The following AP4E1 variants were observed in gnomAD, a reference collection of about 807,000 sequenced individuals.
AP4E1 encodes the protein AP-4 complex subunit epsilon-1.
A neutral mutation model predicts 128.2 loss-of-function variants in AP4E1; 56 were observed. The observed-to-expected ratio is 0.44, with a 90% CI of 0.35 to 0.55. The LOEUF (loss-of-function observed/expected upper bound fraction) is 0.55, where lower values mean the gene tolerates loss of function less well. Among genes scored for constraint, AP4E1 ranks in the 20% least tolerant of loss-of-function variants. The pLI is 0.00. For synonymous variants in AP4E1, 484 were observed against 473.1 expected, an observed-to-expected ratio of 1.02 and a Z score of -0.30; for missense variants, 1,324 against 1,307.7, an observed-to-expected ratio of 1.01 and a Z score of -0.19.
intron 15 of AP4E1, among the ~76,000 whole-genome samples, chr15:50,972,098 T>G (rs1165017708): frequency 6.6e-6 from 1 of 152,228 alleles, no homozygotes; most frequent in African/African-American, 2.4e-5. Context: ...TAGTGCAGTT[T>G]AAAGGGAAAG....
At chr15:50,926,016 C>T (rs1359419775) in intron 5 of AP4E1, among the ~76,000 whole-genome samples, 1 of 151,994 alleles carries the variant, frequency 6.6e-6, no homozygotes, top group Non-Finnish European at 1.5e-5. Flanking sequence ...TAGTATTTTG[C>T]TAATCTTCTC....
At chr15:50,958,905 A>C in intron 14 of AP4E1, 111 bp downstream of exon 14, 1 of 1,182,400 alleles carries the variant, frequency 8.5e-7, no homozygotes, top group Non-Finnish European at 1.3e-6. Flanking sequence ...TGTAGCATTT[A>C]AGGTGAATGT....
rs552445745 is a variant in AP4E1, at chr15:50,943,076, G to A, written c.1176+1301G>A. The stretch of plus-strand genomic sequence containing the variant: ...TCCCTGCCTGCTTGTGGAGTCCCCA[G>A]TGTCTATTGTTTCATCATTACATCC... On this transcript the variant is annotated intron_variant, in intron 10 of 20. Transcript: ENST00000261842. Among the ~76,000 whole-genome samples, 60 of 152,044 alleles carry A rather than the reference G, an allele frequency of 3.9e-4. No homozygotes were observed. The Middle Eastern group carries it at 0.017, about 43-fold the overall frequency.
chr15:50,998,243 T>G lies in AP4E1; in HGVS notation c.2904+360T>G, dbSNP rs998579691. Reference sequence around the variant, plus strand: ...CTAGTATATTTATCTTCCACAAAACTGGCCCAGTTTCTTCTATGAGCTAGA... The same window carrying G: ...CTAGTATATTTATCTTCCACAAAACGGGCCCAGTTTCTTCTATGAGCTAGA... On this transcript the variant is annotated intron_variant, in intron 18 of 20. Transcript: ENST00000261842. 2.6e-5 allele frequency among the ~76,000 whole-genome samples: 4 copies of G among 152,114 alleles called. No homozygotes were observed. In the East Asian group the frequency reaches 7.7e-4, roughly 29 times the overall value.
intron 16 of AP4E1, among the ~76,000 whole-genome samples, chr15:50,992,334 A>AC (rs1469846878): frequency 6.6e-6 from 1 of 152,196 alleles, no homozygotes; most frequent in African/African-American, 2.4e-5. Context: ...TTTTGACAAC[A>AC]CAAGGAGTCA....
intron 14 of AP4E1, among the ~76,000 whole-genome samples, chr15:50,961,752 A>G (rs1242995063): frequency 6.6e-6 from 1 of 152,078 alleles, no homozygotes; most frequent in African/African-American, 2.4e-5. Flanking sequence ...AGTCCTAGCT[A>G]GAGCAATCGG....
At chr15:50,945,279 A>T (rs1235684409) in intron 10 of AP4E1, 1 of 782,678 alleles carries the variant, frequency 1.3e-6, no homozygotes, top group Non-Finnish European at 2.4e-6. Context: ...ATTTAACCCA[A>T]TCGAGACATT....
At chr15:50,908,666 T>G, upstream of AP4E1, 1 of 1,273,634 alleles carries the variant, frequency 7.9e-7, no homozygotes, top group Non-Finnish European at 1.0e-6. Flanking sequence ...TAAAGATTTC[T>G]TATTCAAAAA....
intron 5 of AP4E1, among the ~76,000 whole-genome samples, chr15:50,925,925 C>A (rs867705187): frequency 6.6e-6 from 1 of 150,406 alleles, no homozygotes; most frequent in African/African-American, 2.4e-5. Flanking sequence ...ATGCCCGGCC[C>A]GGGAAGATGC....
chr15:50,998,864 T>G (rs1295306658), intron 18 of AP4E1, among the ~76,000 whole-genome samples: 2 of 152,214 alleles, frequency 1.3e-5, no homozygotes, highest in Non-Finnish European at 2.9e-5. Flanking sequence ...TTAACATAAT[T>G]TTGACCTGTG....
rs1289475734 is a variant in AP4E1, at chr15:50,948,968, G to A, written c.1316+809G>A. Among the ~76,000 whole-genome samples, 8 of 144,732 alleles carry A rather than the reference G, an allele frequency of 5.5e-5. No individual in the cohort carries two copies. In the East Asian group the frequency reaches 1.2e-3, roughly 22 times the overall value. 94.9% of individuals were successfully genotyped at this position (144,732 alleles called of 152,430 possible). On this transcript the variant is annotated intron_variant, in intron 11 of 20. Transcript: ENST00000261842. ...GCCTGGGCAACAAGAGCGAAACTCC[G>A]TCTCAAAAAAAAAAAAAAAAGTTAC...
At position 50,931,081 on chromosome 15, in the gene AP4E1, G is replaced by T. The variant is rs2063830069; in HGVS notation, c.869+110G>T. On this transcript the variant is annotated intron_variant, in intron 7 of 20. Transcript: ENST00000261842. ...AACCAGATTCTTCCAATGTTTAATT[G>T]GCTTAATAGTGATAAAAGAAGCCAT... is the stretch of plus-strand genomic sequence containing the variant. 4.5e-6 allele frequency: 6 copies of T among 1,326,884 alleles called. No individual in the cohort carries two copies. The East Asian group carries it at 1.4e-4, about 31-fold the overall frequency. The allele number at this position is 1,326,884 out of a possible 1,614,324, so 82.2% of individuals were successfully genotyped here.
rs1264635526 is a variant in AP4E1, at chr15:50,929,083, T to C, written c.617T>C (p.Ile206Thr). ...ATTGCTCCTAATCAAGTACAACATA[T>C]TCATATTAAGTTTCGGAAAGCACTT... Reference protein sequence around the residue: ...HLIAPNQVQHIHIKFRKALCD... With the variant: ...HLIAPNQVQHTHIKFRKALCD... Residue 206 changes from isoleucine to threonine, a missense_variant, in exon 6 of 21, where the codon ATT (isoleucine) becomes ACT (threonine). By Grantham distance (89) the Ile-to-Thr change is moderately conservative. Transcript: ENST00000261842. 3 of 1,613,896 alleles carry C rather than the reference T, an allele frequency of 1.9e-6. No homozygotes were observed. Among genetic ancestry groups the C allele is most frequent in the Admixed American group, 1.7e-5 (1 of 60,014 alleles).
At chr15:50,946,642 A>G (rs2064065389) in intron 10 of AP4E1, among the ~76,000 whole-genome samples, 1 of 152,236 alleles carries the variant, frequency 6.6e-6, no homozygotes, top group Non-Finnish European at 1.5e-5. Context: ...AGAACCCTAA[A>G]TATATTGAGT....
chr15:50,921,988 C>T (rs2063708692), intron 3 of AP4E1, among the ~76,000 whole-genome samples: 2 of 151,872 alleles, frequency 1.3e-5, no homozygotes, highest in Admixed American at 1.3e-4. Flanking sequence ...CTTAGCTGAG[C>T]AGGTGATTTA....
chr15:50,973,521 C>T (rs1334628657), intron 15 of AP4E1, among the ~76,000 whole-genome samples: 1 of 152,156 alleles, frequency 6.6e-6, no homozygotes, highest in Non-Finnish European at 1.5e-5. Flanking sequence ...ATCTCTAGCA[C>T]TTATTCATCT....
intron 3 of AP4E1, chr15:50,915,974 C>T: frequency 5.2e-6 from 1 of 193,382 alleles, no homozygotes; most frequent in South Asian, 9.1e-5. Flanking sequence ...GTTGCCCAGG[C>T]TAGAGTGCAG....
intron 14 of AP4E1, among the ~76,000 whole-genome samples, chr15:50,963,396 A>G (rs1457769365): frequency 1.3e-5 from 2 of 152,212 alleles, no homozygotes; most frequent in Non-Finnish European, 2.9e-5. Flanking sequence ...TGTATACACA[A>G]TGGAATACTA....
At position 50,916,117 on chromosome 15, in the gene AP4E1, A is replaced by G. The variant is rs527518515; in HGVS notation, c.346+546A>G. 13 of 158,868 alleles carry G rather than the reference A, an allele frequency of 8.2e-5. 1 individual carries two copies. In the South Asian group the frequency reaches 1.8e-3, roughly 22 times the overall value. The allele number at this position is 158,868 out of a possible 1,614,324, so 9.8% of individuals were successfully genotyped here. On this transcript the variant is annotated intron_variant, in intron 3 of 20. Coordinates refer to ENST00000261842, the MANE Select transcript of AP4E1 (RefSeq NM_007347.5). ...ATTTTTGTGTTTTGTTTTTGTAGAG[A>G]TGGGGTTTCACTATGTTGCATAGGC... is the stretch of plus-strand genomic sequence containing the variant.
Sources: allele counts gnomAD v4.1 joint callset (sites outside exome capture counted in the v4.1 genomes callset), GRCh38; gene constraint gnomAD v4.1.1; transcripts MANE v1.5; gene names NCBI Gene and HGNC (gene_info 2026-07-23, HGNC 2026-07-21).